Variants in CDC42BPA observed in about 807,000 individuals in gnomAD.
The protein encoded by CDC42BPA is serine/threonine-protein kinase MRCK alpha.
Under a neutral mutation model 223.5 loss-of-function variants are expected in CDC42BPA, and 80 were observed. The observed-to-expected ratio is 0.36, with a 90% confidence interval of 0.30 to 0.43. The LOEUF is 0.43. Ranked by LOEUF, CDC42BPA falls within the 20% of genes least tolerant of loss-of-function variation. The probability of loss-of-function intolerance (pLI) is 1.00; values close to 1 mark genes in which losing one functional copy is unlikely to be tolerated. For synonymous variants in CDC42BPA, 694 were observed against 718.6 expected, an observed-to-expected ratio of 0.97 and a Z score of 0.55; for missense variants, 1,743 against 2,099.9, an observed-to-expected ratio of 0.83 and a Z score of 3.32.
chr1:227,089,095 A>C (rs534136350), intron 16 of CDC42BPA, among the ~76,000 whole-genome samples: 46 of 152,330 alleles, frequency 3.0e-4, no homozygotes, highest in Non-Finnish European at 5.4e-4. Flanking sequence ...AATTTTTAAA[A>C]ATTTATTTAA....
chr1:227,193,770 T>C lies in CDC42BPA; in HGVS notation c.599+16A>G. On this transcript the variant is annotated intron_variant, in intron 5 of 36. Transcript: ENST00000366766. ...CATGGTAACTCACAGCCAGGTACAA[T>C]GAAGGACTGTTTTACCTGTGTACAT... 8 of 1,578,504 alleles carry C rather than the reference T, an allele frequency of 5.1e-6. No individual in the cohort carries two copies. The highest frequency in any genetic ancestry group is 2.4e-5 in the South Asian group (2 of 83,364).
In CDC42BPA at chr1:227,267,738, C is replaced by G. The variant is rs200884567; in HGVS notation, c.179-13583G>C. On this transcript the variant is annotated intron_variant, in intron 1 of 36. Transcript: ENST00000366766. ...CTTCACAAGGCAGCAGGAGAGCAAG[C>G]AAGGGCAATGCCACTTTTAAAACCA... 3.3e-5 allele frequency among the ~76,000 whole-genome samples: 5 copies of G among 152,250 alleles called. No homozygotes were observed. In the South Asian group the frequency reaches 1.0e-3, roughly 32 times the overall value.
intron 14 of CDC42BPA, among the ~76,000 whole-genome samples, chr1:227,108,436 T>C (rs1377044366): frequency 1.3e-5 from 2 of 152,150 alleles, no homozygotes; most frequent in East Asian, 3.8e-4. Flanking sequence ...AATTGATTTC[T>C]AGCTCCATTC....
In CDC42BPA at chr1:227,187,346, C is replaced by T. The variant is rs1163935290; in HGVS notation, c.599+6440G>A. On this transcript the variant is annotated intron_variant, in intron 5 of 36. Coordinates refer to ENST00000366766, the MANE Select transcript of CDC42BPA (RefSeq NM_001394014.1). The stretch of plus-strand genomic sequence containing the variant: ...AAAGTCTAAGAAAGAATCAGAAATG[C>T]TAGAGATCAAAAACACTAACAGAAA... Among the ~76,000 whole-genome samples, 3 of 151,846 alleles carry T rather than the reference C, an allele frequency of 2.0e-5. No individual in the cohort carries two copies. In the East Asian group the frequency reaches 5.8e-4, roughly 29 times the overall value.
intron 3 of CDC42BPA, among the ~76,000 whole-genome samples, chr1:227,203,480 T>G (rs1462405841): frequency 6.6e-6 from 1 of 152,168 alleles, no homozygotes; most frequent in Non-Finnish European, 1.5e-5. Flanking sequence ...ACATATACCC[T>G]GGGTATATAT....
At position 227,267,145 on chromosome 1, in the gene CDC42BPA, G is replaced by T. The variant is rs527929284; in HGVS notation, c.179-12990C>A. Among the ~76,000 whole-genome samples, 8 of 152,296 alleles carry T rather than the reference G, an allele frequency of 5.3e-5. No homozygotes were observed. The East Asian group carries it at 1.5e-3, about 29-fold the overall frequency. ...CCTACTAAGAAAATGCTTAATTTAT[G>T]CATTTTTATAACAAAATAGATTTTG... is the stretch of plus-strand genomic sequence containing the variant. On this transcript the variant is annotated intron_variant, in intron 1 of 36. Transcript: ENST00000366766.
Position 227,112,772 on chromosome 1 carries a change from C to T in CDC42BPA, c.1789G>A (p.Ala597Thr), listed in dbSNP as rs1572881912. The change falls in exon 13 of 37, where the codon GCT becomes ACT. Residue 597 changes from alanine to threonine, a missense_variant. Physicochemically the swap from Ala to Thr is moderately conservative, Grantham distance 58. This residue lies in a region of CDC42BPA where 464 missense variants were observed against 488.0 expected (regional missense o/e 0.95). Coordinates refer to ENST00000366766, the MANE Select transcript of CDC42BPA (RefSeq NM_001394014.1). Reference sequence around the variant, plus strand: ...TCTTCCTTATCTCGGACATGGCGAGCAAGTTTCTGTTTTTGGGTGTGCAAT... The same window carrying T: ...TCTTCCTTATCTCGGACATGGCGAGTAAGTTTCTGTTTTTGGGTGTGCAAT... ...TELHTQKQKL[A>T]RHVRDKEEEV... The T allele has an allele frequency of 1.9e-6, 3 of 1,614,048 alleles. No homozygotes were observed. Among genetic ancestry groups the T allele is most frequent in the Non-Finnish European group, 2.5e-6 (3 of 1,179,988 alleles).
intron 30 of CDC42BPA, among the ~76,000 whole-genome samples, chr1:227,026,865 A>G (rs7549586): frequency 0.34 from 51,317 of 152,034 alleles, 9,991 homozygotes; most frequent in Non-Finnish European, 0.45. Context: ...CCTAGGCTGG[A>G]GTGCAATGGC....
intron 14 of CDC42BPA, among the ~76,000 whole-genome samples, chr1:227,107,192 T>C (rs557173146): frequency 2.0e-5 from 3 of 152,334 alleles, no homozygotes; most frequent in Admixed American, 2.0e-4. Context: ...ACATGAGATG[T>C]CTTTCCATTT....
intron 34 of CDC42BPA, among the ~76,000 whole-genome samples, chr1:227,015,746 T>C (rs997822426): frequency 6.6e-6 from 1 of 152,196 alleles, no homozygotes; most frequent in Non-Finnish European, 1.5e-5. Flanking sequence ...AGTGAAATTT[T>C]AGTGATTTGG....
intron 1 of CDC42BPA, among the ~76,000 whole-genome samples, chr1:227,258,593 A>C (rs1160572648): frequency 6.6e-6 from 1 of 151,144 alleles, no homozygotes; most frequent in Non-Finnish European, 1.5e-5. Flanking sequence ...GGGATAATTT[A>C]AAAGATGCCT....
chr1:227,170,554 T>C (rs781626622), intron 5 of CDC42BPA, among the ~76,000 whole-genome samples: 10 of 152,188 alleles, frequency 6.6e-5, no homozygotes, highest in Non-Finnish European at 1.0e-4. Flanking sequence ...TCTCCCTCAA[T>C]GATGAGCTTT....
intron 6 of CDC42BPA, among the ~76,000 whole-genome samples, chr1:227,155,204 T>A (rs1406547259): frequency 1.3e-5 from 2 of 152,106 alleles, no homozygotes; most frequent in Non-Finnish European, 2.9e-5. Context: ...CTTCCAGATA[T>A]AGAGAGAAAG....
At chr1:227,147,597 GAAATA>G in intron 6 of CDC42BPA, 38 bp from the exon 7 acceptor site, 1 of 1,153,086 alleles carries the variant, frequency 8.7e-7, no homozygotes, top group Non-Finnish European at 1.2e-6. Context: ...TCCTATATTA[GAAATA>G]AAATATTTTA....
Position 227,145,480 on chromosome 1 carries a change from C to G in CDC42BPA, c.1143+9G>C. 1 of 1,610,830 alleles carries G rather than the reference C, an allele frequency of 6.2e-7. No individual in the cohort carries two copies. ...GAGGGACAGAACTTCTTCACAGTGT[C>G]ATACTTACAGAATTTTTTAAACAAT... is the stretch of plus-strand genomic sequence containing the variant. On this transcript the variant is annotated intron_variant, in intron 8 of 36. Coordinates refer to ENST00000366766, the MANE Select transcript of CDC42BPA (RefSeq NM_001394014.1).
intron 17 of CDC42BPA, among the ~76,000 whole-genome samples, chr1:227,079,941 T>TTG (rs35272492): frequency 0.28 from 42,855 of 151,542 alleles, 6,253 homozygotes; most frequent in African/African-American, 0.35. Flanking sequence ...AACACAAAAT[T>TTG]TGTGTTTTAT....
intron 7 of CDC42BPA, 146 bp from the exon 8 acceptor site, chr1:227,145,883 A>C (rs1361644071): frequency 3.4e-6 from 2 of 587,522 alleles, no homozygotes; most frequent in Admixed American, 3.4e-5. Context: ...TACTAAAGGA[A>C]TACAGGGATG....
intron 11 of CDC42BPA, among the ~76,000 whole-genome samples, chr1:227,128,799 T>C (rs1336763045): frequency 6.6e-6 from 1 of 152,172 alleles, no homozygotes; most frequent in African/African-American, 2.4e-5. Flanking sequence ...CCAAAATGAA[T>C]AGGCCTTCCA....
chr1:227,142,807 A>T, intron 9 of CDC42BPA, 138 bp downstream of exon 9: 1 of 407,738 alleles, frequency 2.5e-6, no homozygotes, highest in East Asian at 5.7e-5. Flanking sequence ...TTTAGTAGAG[A>T]TGGGGTTTCA....
Sources: gnomAD v4.1 joint callset for allele counts (sites outside exome capture counted in the v4.1 genomes callset) on GRCh38, gnomAD v4.1.1 for gene constraint, gnomAD v4.1.1 regional missense constraint, MANE v1.5 for transcripts, NCBI Gene and HGNC (gene_info 2026-07-23, HGNC 2026-07-21) for gene names.